The following STIL variants were observed in gnomAD, a reference collection of about 807,000 sequenced individuals.
STIL encodes SCL-interrupting locus protein.
STIL carries 55 observed loss-of-function variants against 110.1 expected under a neutral mutation model. The observed-to-expected ratio is 0.50, with a 90% CI of 0.40 to 0.63. The LOEUF is 0.63. Ranked by LOEUF, STIL falls within the 20% of genes least tolerant of loss-of-function variation. The pLI is 0.00. For synonymous variants in STIL, 481 were observed against 530.0 expected (o/e 0.91, Z 1.27); for missense variants, 1,358 against 1,530.0 (o/e 0.89, Z 1.87).
intron 12 of STIL, among the ~76,000 whole-genome samples, chr1:47,276,395 C>T (rs868702492): frequency 2.6e-5 from 4 of 151,802 alleles, no homozygotes; most frequent in Admixed American, 6.6e-5. Context: ...AAATACCACA[C>T]GCATATGCAT....
chr1:47,297,966 A>C (rs1056872871), intron 6 of STIL, among the ~76,000 whole-genome samples: 3 of 152,200 alleles, frequency 2.0e-5, no homozygotes, highest in African/African-American at 7.2e-5. Context: ...TTAAACAAAA[A>C]ATCCCATGCT....
chr1:47,289,776 C>A (rs1645422448), intron 8 of STIL, among the ~76,000 whole-genome samples, 191 bp from the exon 9 acceptor site: 1 of 151,888 alleles, frequency 6.6e-6, no homozygotes. Context: ...TTGAGACCAG[C>A]CTTGTCAACA....
intron 14 of STIL, among the ~76,000 whole-genome samples, chr1:47,264,930 T>TAAAAAAAA (rs35230201): frequency 2.3e-5 from 3 of 128,844 alleles, no homozygotes; most frequent in African/African-American, 3.0e-5. Context: ...TTTCTAAAGT[T>TAAAAAAAA]AAAAAAAAAA....
At chr1:47,307,320 C>A (rs532934374) in intron 2 of STIL, among the ~76,000 whole-genome samples, 1 of 152,144 alleles carries the variant, frequency 6.6e-6, no homozygotes, top group South Asian at 2.1e-4. Flanking sequence ...TGTCTTGTTG[C>A]GGGAAGTCAG....
chr1:47,268,639 T>A (rs995389953), intron 14 of STIL, among the ~76,000 whole-genome samples: 8 of 151,798 alleles, frequency 5.3e-5, no homozygotes, highest in African/African-American at 1.9e-4. Context: ...GTGTCTGTAA[T>A]CCCAGCTACT....
intron 3 of STIL, among the ~76,000 whole-genome samples, chr1:47,304,297 G>A (rs542050361): frequency 1.3e-5 from 2 of 151,840 alleles, no homozygotes; most frequent in South Asian, 4.2e-4. Context: ...GGGGTTACAG[G>A]TGTGAGCCAC....
chr1:47,297,609 CTACATTG>C (rs976763715), intron 6 of STIL, among the ~76,000 whole-genome samples: 1 of 151,860 alleles, frequency 6.6e-6, no homozygotes, highest in African/African-American at 2.4e-5. Flanking sequence ...TGGGGTCTCA[CTACATTG>C]TCCTAGCTGG....
chr1:47,295,876 A>G, intron 6 of STIL, 28 bp from the exon 7 acceptor site: 1 of 1,517,444 alleles, frequency 6.6e-7, no homozygotes, highest in Non-Finnish European at 9.1e-7. Flanking sequence ...ATGTGAAAAT[A>G]ACTGAAATTA....
intron 16 of STIL, among the ~76,000 whole-genome samples, chr1:47,254,412 T>C (rs1401899734): frequency 6.6e-6 from 1 of 152,192 alleles, no homozygotes; most frequent in Non-Finnish European, 1.5e-5. Flanking sequence ...GAAGTCTTTT[T>C]CTACTTTGCC....
At chr1:47,269,970 C>T (rs1557721686) in intron 13 of STIL, 104 bp from the exon 14 acceptor site, 1 of 1,072,234 alleles carries the variant, frequency 9.3e-7, no homozygotes, top group South Asian at 1.3e-5. Flanking sequence ...GGTGCAATGG[C>T]TCACGCCTAT....
intron 6 of STIL, among the ~76,000 whole-genome samples, 169 bp from the exon 7 acceptor site, chr1:47,296,017 T>A (rs1645632527): frequency 6.6e-6 from 1 of 152,172 alleles, no homozygotes; most frequent in Non-Finnish European, 1.5e-5. Flanking sequence ...AAAAAGACTC[T>A]GGTAAGAGGA....
In STIL at chr1:47,292,214, A is replaced by G. The variant is rs1043500052; in HGVS notation, c.872+1244T>C. 5.9e-5 allele frequency among the ~76,000 whole-genome samples: 9 copies of G among 152,110 alleles called. 1 individual carries two copies. The highest frequency in any genetic ancestry group is 2.2e-4 in the African/African-American group (9 of 41,504). On this transcript the variant is annotated intron_variant, in intron 8 of 16. Transcript: ENST00000371877. ...TACTCTGATCCCCAGTACTGTGAACATAATAGATATAATAGGTGCTCAATA... is the reference window on the plus strand; with the variant it reads ...TACTCTGATCCCCAGTACTGTGAACGTAATAGATATAATAGGTGCTCAATA...
intron 12 of STIL, among the ~76,000 whole-genome samples, chr1:47,278,423 T>C (rs919141040): frequency 2.6e-5 from 4 of 152,120 alleles, no homozygotes; most frequent in African/African-American, 9.7e-5. Context: ...TTTTTTTGTA[T>C]ATTTCATATT....
At chr1:47,279,144 A>G (rs1255185545) in intron 12 of STIL, among the ~76,000 whole-genome samples, 1 of 152,038 alleles carries the variant, frequency 6.6e-6, no homozygotes, top group African/African-American at 2.4e-5. Context: ...AAAAAAATAC[A>G]AAAAATTAGC....
chr1:47,271,593 A>C (rs2148870819), intron 13 of STIL, among the ~76,000 whole-genome samples: 1 of 151,970 alleles, frequency 6.6e-6, no homozygotes, highest in East Asian at 1.9e-4. Flanking sequence ...ATCATAGTCA[A>C]AATGGTTTCT....
Position 47,300,041 on chromosome 1 carries a change from G to C in STIL, c.565C>G (p.His189Asp). The C allele has an allele frequency of 1.9e-6, 3 of 1,614,116 alleles. No individual in the cohort carries two copies. The highest frequency in any genetic ancestry group is 2.5e-6 in the Non-Finnish European group (3 of 1,180,018). ...ESLDSVEFDLHWAAVTLANNF... is the reference protein window; with the variant it reads ...ESLDSVEFDLDWAAVTLANNF... Reference sequence around the variant, plus strand: ...TTTGCTAGAGTTACTGCTGCCCAATGCAAGTCAAATTCCACACTGTCCAAA... The same window carrying C: ...TTTGCTAGAGTTACTGCTGCCCAATCCAAGTCAAATTCCACACTGTCCAAA... The change falls in exon 6 of 17, where the codon CAT becomes GAT. Residue 189 changes from histidine (H) to aspartate (D), a missense_variant. By Grantham distance (81) the His-to-Asp change is moderately conservative. Transcript: ENST00000371877.
At position 47,291,027 on chromosome 1, in the gene STIL, T is replaced by C. The variant is rs1238158954; in HGVS notation, c.873-1442A>G. Among the ~76,000 whole-genome samples the C allele has an allele frequency of 3.9e-5, 6 of 152,266 alleles. No homozygotes were observed. The South Asian group carries it at 1.0e-3, about 26-fold the overall frequency. ...TGCCCCAGACAGCCACAAGGCTTAC[T>C]TCCTCACCTTAAGTCGGCCTCCCTG... On this transcript the variant is annotated intron_variant, in intron 8 of 16. Coordinates refer to ENST00000371877, the MANE Select transcript of STIL (RefSeq NM_001048166.1).
At chr1:47,314,802 C>T (rs1570325683), upstream of STIL, among the ~76,000 whole-genome samples, 1 of 151,646 alleles carries the variant, frequency 6.6e-6, no homozygotes. Flanking sequence ...ATCGGCTCAC[C>T]GCAACCTCGC....
rs1644766815 is a variant in STIL, at chr1:47,269,834, C to A, written c.2416G>T (p.Asp806Tyr). ...ASLFWNAAGE[D>Y]QEPDSQMKQD... is the part of the protein sequence containing the mutation. ...TTCATTTGAGAGTCAGGCTCTTGAT[C>A]CTCACCTGCTGCATTCCAAAACAAG... The change falls in exon 14 of 17, where the codon GAT becomes TAT. Residue 806 changes from aspartate to tyrosine, a missense_variant. Coordinates refer to ENST00000371877, the MANE Select transcript of STIL (RefSeq NM_001048166.1). 1 of 1,614,032 alleles carries A rather than the reference C, an allele frequency of 6.2e-7. No individual in the cohort carries two copies. The highest frequency in any genetic ancestry group is 1.3e-5 in the African/African-American group (1 of 74,898).
Sources: allele counts gnomAD v4.1 joint callset (sites outside exome capture counted in the v4.1 genomes callset), GRCh38; gene constraint gnomAD v4.1.1; transcripts MANE v1.5; gene names NCBI Gene and HGNC (gene_info 2026-07-23, HGNC 2026-07-21).